OR7D2: variants seen among roughly 807,000 people sequenced by gnomAD.
OR7D2 encodes olfactory receptor 7D2.
For missense variants in OR7D2, 370 were observed against 384.1 expected (o/e 0.96, Z 0.31); for synonymous variants, 158 against 158.7 (o/e 1.00, Z 0.03).
chr19:9,186,681 C>T lies in OR7D2; in HGVS notation c.900C>T (p.Ala300=). The T allele has an allele frequency of 6.2e-7, 1 of 1,613,484 alleles. No individual in the cohort carries two copies. The highest frequency in any genetic ancestry group is 8.5e-7 in the Non-Finnish European group (1 of 1,179,772). The change falls in exon 3 of 3, where the codon GCC becomes GCT. Residue 300 remains alanine (A), a synonymous_variant. Coordinates refer to ENST00000641288, the MANE Select transcript of OR7D2 (RefSeq NM_175883.4). The stretch of plus-strand genomic sequence containing the variant: ...TGAGGAACAAGGATGTGAAGGGAGC[C>T]CTGGGGAGTCTCCTCAGCAGGGCAG... ...YSLRNKDVKG[A]LGSLLSRAAS...
chr19:9,179,596 G>A (rs571330808), intron 1 of OR7D2, among the ~76,000 whole-genome samples: 5 of 151,868 alleles, frequency 3.3e-5, no homozygotes, highest in Non-Finnish European at 7.4e-5. Flanking sequence ...CACCTCTGAT[G>A]GCCTTTCATT....
intron 2 of OR7D2, among the ~76,000 whole-genome samples, chr19:9,183,473 T>C (rs1334292852): frequency 6.6e-6 from 1 of 151,832 alleles, no homozygotes; most frequent in Non-Finnish European, 1.5e-5. Context: ...AGAGCAAGTC[T>C]TACTGTGTTG....
rs146835504 is a variant in OR7D2, at chr19:9,186,684, G to A, written c.903G>A (p.Leu301=). Residue 301 remains leucine (L), a synonymous_variant, in exon 3 of 3, where the codon CTG becomes CTA. Coordinates refer to ENST00000641288, the MANE Select transcript of OR7D2 (RefSeq NM_175883.4). ...SLRNKDVKGA[L]GSLLSRAASC... ...GGAACAAGGATGTGAAGGGAGCCCT[G>A]GGGAGTCTCCTCAGCAGGGCAGCCT... The A allele has an allele frequency of 3.2e-5, 52 of 1,613,358 alleles. 1 individual carries two copies. The highest frequency in any genetic ancestry group is 2.0e-4 in the South Asian group (18 of 90,948).
intron 1 of OR7D2, among the ~76,000 whole-genome samples, chr19:9,180,283 T>C (rs1248016399): frequency 6.6e-6 from 1 of 151,892 alleles, no homozygotes; most frequent in African/African-American, 2.4e-5. Context: ...TTTTTAAAAA[T>C]CTATTTTTGT....
intron 2 of OR7D2, among the ~76,000 whole-genome samples, chr19:9,183,773 C>T (rs1226494506): frequency 2.0e-5 from 3 of 146,946 alleles, no homozygotes; most frequent in South Asian, 2.2e-4. Flanking sequence ...CTGGCTAACA[C>T]GGTGAAACCC....
intron 2 of OR7D2, among the ~76,000 whole-genome samples, chr19:9,185,372 A>G (rs1315579218): frequency 1.3e-5 from 2 of 151,772 alleles, no homozygotes; most frequent in African/African-American, 4.8e-5. Context: ...ATTTTTTAGA[A>G]TTCCATTTAC....
intron 2 of OR7D2, among the ~76,000 whole-genome samples, chr19:9,181,354 G>A (rs1267920738): frequency 6.8e-6 from 1 of 147,324 alleles, no homozygotes; most frequent in Non-Finnish European, 1.5e-5. Flanking sequence ...TCCCAATAAT[G>A]TCATCTATAG....
At position 9,185,868 on chromosome 19, in the gene OR7D2, G is replaced by A. The variant is rs752083431; in HGVS notation, c.87G>A (p.Gly29=). Residue 29 remains glycine (G), a synonymous_variant, in exon 3 of 3, where the codon GGG becomes GGA. Coordinates refer to ENST00000641288, the MANE Select transcript of OR7D2 (RefSeq NM_175883.4). ...EDPELQPFIF[G]LFLSMYLVTV... ...CAGAACTACAGCCGTTCATATTTGG[G>A]CTGTTCCTGTCCATGTACCTGGTGA... 2 of 1,613,656 alleles carry A rather than the reference G, an allele frequency of 1.2e-6. No homozygotes were observed. Among genetic ancestry groups the A allele is most frequent in the East Asian group, 2.2e-5 (1 of 44,874 alleles).
chr19:9,186,507 G>A lies in OR7D2; in HGVS notation c.726G>A (p.Gly242=). The part of the protein sequence containing the change: ...GGKQKALSTC[G]SHLSVVSLFY... ...AACAAAAAGCACTTTCCACCTGTGG[G>A]TCTCACCTCTCCGTCGTTTCTTTAT... The change falls in exon 3 of 3, where the codon GGG becomes GGA. Residue 242 remains glycine, a synonymous_variant. Coordinates refer to ENST00000641288, the MANE Select transcript of OR7D2 (RefSeq NM_175883.4). The A allele has an allele frequency of 1.9e-6, 3 of 1,614,054 alleles. No individual in the cohort carries two copies. The South Asian group carries it at 3.3e-5, about 18-fold the overall frequency.
At chr19:9,184,714 T>TAA (rs1276226657) in intron 2 of OR7D2, among the ~76,000 whole-genome samples, 2 of 152,062 alleles carry the variant, frequency 1.3e-5, no homozygotes, top group Non-Finnish European at 2.9e-5. Flanking sequence ...TGTACATTTG[T>TAA]GTGTGTGTAT....
chr19:9,186,018 C>T lies in OR7D2; in HGVS notation c.237C>T (p.Pro79=), dbSNP rs2051029000. 1 of 1,614,064 alleles carries T rather than the reference C, an allele frequency of 6.2e-7. No homozygotes were observed. Among genetic ancestry groups the T allele is most frequent in the Non-Finnish European group, 8.5e-7 (1 of 1,179,964 alleles). ...VDICFSTCIV[P]KMLVNIQTEN... The stretch of plus-strand genomic sequence containing the variant: ...TCTGTTTCAGCACTTGCATCGTCCC[C>T]AAGATGCTGGTGAACATCCAGACCG... Residue 79 remains proline, a synonymous_variant, in exon 3 of 3, where the codon CCC becomes CCT. Transcript: ENST00000641288.
intron 2 of OR7D2, among the ~76,000 whole-genome samples, chr19:9,184,461 A>G (rs1025349270): frequency 6.6e-6 from 1 of 152,034 alleles, no homozygotes; most frequent in Non-Finnish European, 1.5e-5. Context: ...TTCTCAAAAA[A>G]TAAAAATAAT....
chr19:9,179,462 C>T (rs1291723600), intron 1 of OR7D2, among the ~76,000 whole-genome samples: 2 of 151,836 alleles, frequency 1.3e-5, no homozygotes, highest in African/African-American at 4.8e-5. Context: ...ATGGCTTGAA[C>T]CCGGGAGACA....
chr19:9,185,192 T>C (rs1369619750), intron 2 of OR7D2, among the ~76,000 whole-genome samples: 3 of 152,192 alleles, frequency 2.0e-5, no homozygotes, highest in Non-Finnish European at 4.4e-5. Context: ...GTTCTTGCTA[T>C]AAAGAAAATG....
rs1231395132 is a variant in OR7D2, at chr19:9,186,802, A to T, written c.*82A>T. On this transcript the variant is annotated 3_prime_UTR_variant, in exon 3 of 3. Transcript: ENST00000641288. Reference sequence around the variant, plus strand: ...TTATTTTGAAATTCTTACTCTTTAAAATTAAAAACATTTTTTTATACTTTG... The same window carrying T: ...TTATTTTGAAATTCTTACTCTTTAATATTAAAAACATTTTTTTATACTTTG... The T allele has an allele frequency of 1.1e-6, 1 of 946,312 alleles. No individual in the cohort carries two copies. Among genetic ancestry groups the T allele is most frequent in the Admixed American group, 2.9e-5 (1 of 34,306 alleles). 58.6% of individuals were successfully genotyped at this position (946,312 alleles called of 1,614,324 possible). A position where few individuals can be genotyped will look rare whatever the true frequency, so the allele number is the denominator to read the frequency against.
At chr19:9,183,004 A>C (rs536472033) in intron 2 of OR7D2, 3 of 442,440 alleles carry the variant, frequency 6.8e-6, no homozygotes, top group Non-Finnish European at 1.4e-5. Flanking sequence ...CATACACGGC[A>C]TCAGGGCCTT....
rs201258394 is a variant in OR7D2 at position 9,180,685 on chromosome 19, T to A, written c.-104-13T>A. 1.4e-5 allele frequency: 2 copies of A among 138,402 alleles called. No homozygotes were observed. The highest frequency in any genetic ancestry group is 2.6e-5 in the African/African-American group (1 of 37,942). 8.6% of individuals were successfully genotyped at this position (138,402 alleles called of 1,614,324 possible). ...CTTATATGTGATTTTTTTTTTTTTTTACCTTCATTCAGCTTTCCATGATGA... is the reference window on the plus strand; with the variant it reads ...CTTATATGTGATTTTTTTTTTTTTTAACCTTCATTCAGCTTTCCATGATGA... On this transcript the variant is annotated splice_polypyrimidine_tract_variant and intron_variant, in intron 1 of 2. Coordinates refer to ENST00000641288, the MANE Select transcript of OR7D2 (RefSeq NM_175883.4).
At chr19:9,183,919 C>A (rs2051009698) in intron 2 of OR7D2, among the ~76,000 whole-genome samples, 1 of 122,430 alleles carries the variant, frequency 8.2e-6, no homozygotes, top group Admixed American at 1.1e-4. Flanking sequence ...GATTGCGCCA[C>A]TGCACTCCAG....
Position 9,186,225 on chromosome 19 carries a change from C to T in OR7D2, c.444C>T (p.Thr148=), listed in dbSNP as rs1260745288. 1 of 1,614,126 alleles carries T rather than the reference C, an allele frequency of 6.2e-7. No individual in the cohort carries two copies. The change falls in exon 3 of 3, where the codon ACC becomes ACT. Residue 148 remains threonine (T), a synonymous_variant. Transcript: ENST00000641288. ...PHLCGLLVFV[T]WLIGVMTSLL... ...TCTGTGGCCTCCTGGTTTTTGTCAC[C>T]TGGCTCATTGGTGTCATGACATCCC...
Sources: gnomAD v4.1 joint callset for allele counts (sites outside exome capture counted in the v4.1 genomes callset) on GRCh38, gnomAD v4.1.1 for gene constraint, MANE v1.5 for transcripts, NCBI Gene and HGNC (gene_info 2026-07-23, HGNC 2026-07-21) for gene names.